The following RNF121 variants were observed in gnomAD, a reference collection of about 807,000 sequenced individuals.
The protein encoded by RNF121 is ring finger protein 121.
A neutral mutation model predicts 46.5 loss-of-function variants in RNF121; 21 were observed. The observed-to-expected ratio is 0.45, with a 90% CI of 0.32 to 0.65. The LOEUF is 0.65. Ranked by LOEUF, RNF121 falls within the 30% of genes least tolerant of loss-of-function variation. The pLI, the probability that RNF121 is intolerant of heterozygous loss-of-function variation, is 0.04. For missense variants in RNF121, 346 were observed against 416.0 expected (o/e 0.83, Z 1.46); for synonymous variants, 139 against 144.7 (o/e 0.96, Z 0.28).
chr11:71,963,279 A>G (rs1954182930), intron 3 of RNF121, among the ~76,000 whole-genome samples: 1 of 152,096 alleles, frequency 6.6e-6, no homozygotes, highest in Non-Finnish European at 1.5e-5. Context: ...CTAAGAATCC[A>G]TTGCCAAGTC....
At position 71,960,730 on chromosome 11, in the gene RNF121, C is replaced by T. The variant is rs1458305088; in HGVS notation, c.102-20C>T. 6.2e-7 allele frequency: 1 copy of T among 1,609,044 alleles called. No homozygotes were observed. ...CTACAGCATCCCTGACTTGATTCAC[C>T]CCATGTGTTTGGCTTTCAGGGTCGA... On this transcript the variant is annotated intron_variant, in intron 2 of 8. Transcript: ENST00000361756.
intron 1 of RNF121, among the ~76,000 whole-genome samples, chr11:71,934,015 C>A (rs79411337): frequency 6.6e-6 from 1 of 152,158 alleles, no homozygotes; most frequent in Non-Finnish European, 1.5e-5. Flanking sequence ...TAATTACTTC[C>A]GGGCTTTGTT....
At chr11:71,941,094 C>G (rs1344769049) in intron 1 of RNF121, among the ~76,000 whole-genome samples, 2 of 152,140 alleles carry the variant, frequency 1.3e-5, no homozygotes, top group Non-Finnish European at 2.9e-5. Context: ...GAGTCTTGAG[C>G]AGGGGAGTAA....
chr11:71,930,104 A>G (rs1055847499), intron 1 of RNF121, among the ~76,000 whole-genome samples: 3 of 152,220 alleles, frequency 2.0e-5, no homozygotes, highest in Non-Finnish European at 4.4e-5. Context: ...TGTGAAAGGA[A>G]TGAAGGGACA....
chr11:71,994,608 C>G, intron 6 of RNF121, 111 bp from the exon 7 acceptor site: 1 of 1,277,432 alleles, frequency 7.8e-7, no homozygotes, highest in Admixed American at 2.0e-5. Context: ...CTCTGGGCCT[C>G]CCGCTGCCAC....
chr11:71,990,100 C>T (rs989490627), intron 5 of RNF121, among the ~76,000 whole-genome samples: 6 of 152,172 alleles, frequency 3.9e-5, no homozygotes, highest in Admixed American at 6.5e-5. Context: ...ATGTGGCCAC[C>T]GGAGTAATTT....
intron 1 of RNF121, among the ~76,000 whole-genome samples, chr11:71,931,983 A>C (rs1220887382): frequency 6.6e-6 from 1 of 152,198 alleles, no homozygotes; most frequent in Non-Finnish European, 1.5e-5. Context: ...TATTCAGGAT[A>C]TTATACCTAT....
chr11:71,956,146 G>A (rs942742538), intron 1 of RNF121, among the ~76,000 whole-genome samples: 7 of 152,188 alleles, frequency 4.6e-5, no homozygotes, highest in African/African-American at 9.7e-5. Context: ...CTTTCCTGAC[G>A]TTATCAGAAC....
chr11:71,945,193 A>G (rs1953684353), intron 1 of RNF121, among the ~76,000 whole-genome samples: 1 of 151,612 alleles, frequency 6.6e-6, no homozygotes, highest in South Asian at 2.1e-4. Flanking sequence ...TTGCTATGTT[A>G]CCCAGCTGGG....
chr11:71,958,776 A>G (rs973604443), intron 2 of RNF121, among the ~76,000 whole-genome samples: 5 of 152,202 alleles, frequency 3.3e-5, no homozygotes, highest in African/African-American at 1.2e-4. Context: ...TTACCTTAAA[A>G]GGCATGTGTT....
intron 3 of RNF121, among the ~76,000 whole-genome samples, chr11:71,980,450 G>T (rs192833333): frequency 2.0e-5 from 3 of 152,048 alleles, no homozygotes; most frequent in Admixed American, 6.6e-5. Context: ...GGATTCAAGC[G>T]ATTCTCCTGC....
chr11:71,940,109 A>G (rs1226003745), intron 1 of RNF121, among the ~76,000 whole-genome samples: 2 of 152,272 alleles, frequency 1.3e-5, no homozygotes, highest in Non-Finnish European at 2.9e-5. Flanking sequence ...GTATAAAGGA[A>G]TAAAGACATG....
At position 71,982,824 on chromosome 11, in the gene RNF121, A is replaced by C. The variant is rs749410273; in HGVS notation, c.307A>C (p.Arg103=). ...TTTCACAGTGAAGCTGCACTGGTGG[A>C]GGTTCCTAGTGATCTGGATCTTGTT... The part of the protein sequence containing the change: ...LYFTVKLHWW[R]FLVIWILFSA... The change falls in exon 4 of 9, where the codon AGG becomes CGG. Residue 103 remains arginine (R), a synonymous_variant. Transcript: ENST00000361756. The C allele has an allele frequency of 3.7e-6, 6 of 1,613,744 alleles. No individual in the cohort carries two copies. The highest frequency in any genetic ancestry group is 1.7e-5 in the Admixed American group (1 of 59,966).
intron 3 of RNF121, among the ~76,000 whole-genome samples, chr11:71,969,092 G>T (rs1954361013): frequency 6.6e-6 from 1 of 151,794 alleles, no homozygotes. Context: ...TCACCATGTT[G>T]GTCAGGCTGG....
At chr11:71,942,195 A>G (rs1953587810) in intron 1 of RNF121, among the ~76,000 whole-genome samples, 1 of 151,996 alleles carries the variant, frequency 6.6e-6, no homozygotes, top group African/African-American at 2.4e-5. Context: ...GACCTCCCAA[A>G]GTGCTGGGAT....
intron 6 of RNF121, among the ~76,000 whole-genome samples, chr11:71,992,415 TCTTTA>T (rs779765755): frequency 2.7e-4 from 41 of 152,200 alleles, no homozygotes; most frequent in Admixed American, 5.9e-4. Context: ...GTGTTTTGAG[TCTTTA>T]CTTAAGAGAC....
chr11:71,973,228 C>G (rs971411406), intron 3 of RNF121, among the ~76,000 whole-genome samples: 119 of 151,648 alleles, frequency 7.8e-4, no homozygotes, highest in African/African-American at 2.8e-3. Context: ...CATAGTGGCT[C>G]ATGCCTGTAA....
chr11:71,949,846 C>G (rs903749777), intron 1 of RNF121, among the ~76,000 whole-genome samples: 2 of 150,888 alleles, frequency 1.3e-5, no homozygotes, highest in Non-Finnish European at 3.0e-5. Flanking sequence ...AAAAAAAATA[C>G]AAAACATTAG....
At chr11:71,993,986 G>A (rs970582907) in intron 6 of RNF121, among the ~76,000 whole-genome samples, 9 of 151,628 alleles carry the variant, frequency 5.9e-5, no homozygotes, top group Middle Eastern at 3.4e-3. Flanking sequence ...GACTACAGGC[G>A]CCCCCCACCA....
Sources: allele counts gnomAD v4.1 joint callset (sites outside exome capture counted in the v4.1 genomes callset), GRCh38; gene constraint gnomAD v4.1.1; transcripts MANE v1.5; gene names NCBI Gene and HGNC (gene_info 2026-07-23, HGNC 2026-07-21).